BRINP3: variants seen among roughly 807,000 people sequenced by gnomAD.
BRINP3 encodes BMP/retinoic acid inducible neural specific 3, also known as BMP/retinoic acid-inducible neural-specific protein 3.
BRINP3 carries 19 observed loss-of-function variants against 71.0 expected under a neutral mutation model. The ratio of observed to expected loss-of-function variants is 0.27; its 90% CI spans 0.19 to 0.39. BRINP3 has a LOEUF of 0.39. Among genes scored for constraint, BRINP3 ranks in the 10% least tolerant of loss-of-function variants. The pLI is 1.00. For missense variants in BRINP3, 959 were observed against 940.8 expected, an observed-to-expected ratio of 1.02 and a Z score of -0.25; for synonymous variants, 380 against 337.7, an observed-to-expected ratio of 1.13 and a Z score of -1.37.
At chr1:190,350,823 T>G (rs1370207198) in intron 2 of BRINP3, among the ~76,000 whole-genome samples, 4 of 11,132 alleles carry the variant, frequency 3.6e-4, no homozygotes, top group Non-Finnish European at 9.7e-4. Context: ...GTTCACCTTG[T>G]TTTTTTTTTT....
intron 6 of BRINP3, among the ~76,000 whole-genome samples, chr1:190,198,550 C>T (rs1256595243): frequency 1.3e-5 from 2 of 152,040 alleles, no homozygotes; most frequent in Non-Finnish European, 2.9e-5. Flanking sequence ...TTTAAAAACA[C>T]ACCAGATGTG....
At chr1:190,111,201 A>AC (rs1279942777) in intron 7 of BRINP3, among the ~76,000 whole-genome samples, 3 of 150,194 alleles carry the variant, frequency 2.0e-5, no homozygotes, top group Non-Finnish European at 3.0e-5. Context: ...AAAAAAAAAA[A>AC]AAAAAAACTT....
chr1:190,431,378 A>G (rs1386247227), intron 2 of BRINP3, among the ~76,000 whole-genome samples: 1 of 152,082 alleles, frequency 6.6e-6, no homozygotes, highest in African/African-American at 2.4e-5. Context: ...TTATATTTTT[A>G]GACGGCGACT....
intron 2 of BRINP3, among the ~76,000 whole-genome samples, chr1:190,324,407 C>T (rs768245702): frequency 1.3e-4 from 19 of 151,914 alleles, no homozygotes; most frequent in Non-Finnish European, 2.1e-4. Flanking sequence ...TGAACACAGA[C>T]ATTTCCCCCT....
At chr1:190,186,882 C>G (rs897190980) in intron 6 of BRINP3, among the ~76,000 whole-genome samples, 3 of 151,988 alleles carry the variant, frequency 2.0e-5, no homozygotes, top group East Asian at 3.9e-4. Flanking sequence ...CCTAGGGAAC[C>G]AGGATTCTAT....
chr1:190,363,245 T>C (rs1669266664), intron 2 of BRINP3, among the ~76,000 whole-genome samples: 1 of 152,056 alleles, frequency 6.6e-6, no homozygotes, highest in South Asian at 2.1e-4. Context: ...TTAAGTACTG[T>C]CTACAATGTA....
chr1:190,249,975 A>G (rs906335396), intron 4 of BRINP3, among the ~76,000 whole-genome samples: 1 of 151,956 alleles, frequency 6.6e-6, no homozygotes, highest in Admixed American at 6.6e-5. Flanking sequence ...ATTAAGGTCA[A>G]CTCAGATTTC....
intron 2 of BRINP3, among the ~76,000 whole-genome samples, chr1:190,294,344 G>C (rs938362856): frequency 6.6e-6 from 1 of 150,678 alleles, no homozygotes; most frequent in East Asian, 2.0e-4. Flanking sequence ...CTGCAGACTC[G>C]ATTTCCCAGG....
intron 6 of BRINP3, among the ~76,000 whole-genome samples, chr1:190,199,782 A>C (rs1558057758): frequency 6.8e-6 from 1 of 147,050 alleles, no homozygotes; most frequent in African/African-American, 2.5e-5. Flanking sequence ...AAAAAAAAAA[A>C]AACAAAAACA....
chr1:190,207,555 T>C (rs1056151862), intron 6 of BRINP3, among the ~76,000 whole-genome samples: 1 of 152,126 alleles, frequency 6.6e-6, no homozygotes, highest in African/African-American at 2.4e-5. Flanking sequence ...AGACTCTCAG[T>C]GACAGGCCAT....
intron 4 of BRINP3, among the ~76,000 whole-genome samples, chr1:190,257,616 A>G (rs1162961882): frequency 1.3e-5 from 2 of 152,072 alleles, no homozygotes; most frequent in African/African-American, 4.8e-5. Context: ...TTCTAGTTTT[A>G]TCTACCTTTG....
chr1:190,273,846 G>T (rs568573151), intron 3 of BRINP3, among the ~76,000 whole-genome samples: 6 of 151,618 alleles, frequency 4.0e-5, no homozygotes, highest in African/African-American at 1.2e-4. Context: ...AATCCTACAG[G>T]TAAATCAACA....
At chr1:190,470,952 C>T (rs1368580571) in intron 1 of BRINP3, among the ~76,000 whole-genome samples, 1 of 151,024 alleles carries the variant, frequency 6.6e-6, no homozygotes, top group Non-Finnish European at 1.5e-5. Flanking sequence ...TGCTCCAGAA[C>T]TGTATGAATG....
intron 2 of BRINP3, among the ~76,000 whole-genome samples, chr1:190,445,050 A>G (rs1380844691): frequency 3.3e-5 from 5 of 152,150 alleles, no homozygotes; most frequent in African/African-American, 1.2e-4. Context: ...TAGAGGCTGA[A>G]TTTTATTGGA....
chr1:190,185,676 A>T (rs1052993165), intron 6 of BRINP3, among the ~76,000 whole-genome samples: 3 of 152,140 alleles, frequency 2.0e-5, no homozygotes, highest in Admixed American at 6.6e-5. Context: ...TCTTGAATGT[A>T]TATAATGCCA....
intron 7 of BRINP3, among the ~76,000 whole-genome samples, chr1:190,111,755 G>C (rs751326337): frequency 3.3e-5 from 5 of 152,120 alleles, no homozygotes; most frequent in Non-Finnish European, 7.4e-5. Context: ...AAGGAAACTT[G>C]AGGGGAAAGG....
intron 2 of BRINP3, among the ~76,000 whole-genome samples, chr1:190,285,954 T>G (rs938076764): frequency 2.6e-5 from 4 of 152,184 alleles, no homozygotes; most frequent in Non-Finnish European, 5.9e-5. Context: ...TGTTGTATTC[T>G]ACTTGGAGCC....
At chr1:190,406,727 T>C (rs1474087519) in intron 2 of BRINP3, among the ~76,000 whole-genome samples, 1 of 152,158 alleles carries the variant, frequency 6.6e-6, no homozygotes, top group Non-Finnish European at 1.5e-5. Flanking sequence ...AAAATAAGTG[T>C]TACATGTAAA....
chr1:190,207,992 C>T (rs991775648), intron 6 of BRINP3, among the ~76,000 whole-genome samples: 3 of 152,022 alleles, frequency 2.0e-5, no homozygotes, highest in African/African-American at 4.8e-5. Flanking sequence ...GACAGGGTCT[C>T]GCTGTGTCAC....
Sources: gnomAD v4.1 joint callset for allele counts (sites outside exome capture counted in the v4.1 genomes callset) on GRCh38, gnomAD v4.1.1 for gene constraint, MANE v1.5 for transcripts, NCBI Gene and HGNC (gene_info 2026-07-23, HGNC 2026-07-21) for gene names.